The following CCSER1 variants were observed in gnomAD, a reference collection of about 807,000 sequenced individuals.
CCSER1 encodes coiled-coil serine rich protein 1, also known as serine-rich coiled-coil domain-containing protein 1.
In CCSER1, 41 loss-of-function variants were observed where a neutral mutation model predicts 82.0. The observed-to-expected ratio is 0.50, with a 90% CI of 0.39 to 0.65. The LOEUF (loss-of-function observed/expected upper bound fraction) is 0.65. Ranked by LOEUF, CCSER1 falls within the 30% of genes least tolerant of loss-of-function variation. CCSER1 has a pLI of 0.00. For missense variants in CCSER1, 1,119 were observed against 1,064.2 expected (o/e 1.05, Z -0.72); for synonymous variants, 414 against 383.9 (o/e 1.08, Z -0.92).
At chr4:91,327,671 A>G (rs1041675765) in intron 10 of CCSER1, among the ~76,000 whole-genome samples, 1 of 152,164 alleles carries the variant, frequency 6.6e-6, no homozygotes, top group African/African-American at 2.4e-5. Context: ...TTTCTATCAC[A>G]TGGCCAGGCT....
At chr4:91,130,100 A>T (rs111476236) in intron 10 of CCSER1, 4 of 151,962 alleles carry the variant, frequency 2.6e-5, no homozygotes, top group Non-Finnish European at 5.9e-5. Context: ...TCTAATATAA[A>T]GGGAATGTCT....
chr4:90,932,083 A>G (rs922441341), intron 9 of CCSER1, among the ~76,000 whole-genome samples: 2 of 152,214 alleles, frequency 1.3e-5, no homozygotes, highest in Admixed American at 6.5e-5. Flanking sequence ...AGCCACATGT[A>G]TCATTAACCT....
intron 5 of CCSER1, among the ~76,000 whole-genome samples, chr4:90,561,141 G>A (rs192382054): frequency 6.4e-4 from 98 of 152,246 alleles, no homozygotes; most frequent in African/African-American, 1.8e-3. Context: ...AATCTGTTAT[G>A]CCTCACCTTC....
chr4:91,363,998 A>G (rs1749439610), intron 10 of CCSER1, among the ~76,000 whole-genome samples: 1 of 148,174 alleles, frequency 6.7e-6, no homozygotes, highest in Non-Finnish European at 1.5e-5. Context: ...ATTTTGGTAA[A>G]GTATTGACAT....
At chr4:91,144,619 G>C (rs899942232) in intron 10 of CCSER1, among the ~76,000 whole-genome samples, 1 of 148,608 alleles carries the variant, frequency 6.7e-6, no homozygotes, top group South Asian at 2.1e-4. Flanking sequence ...TCCTCTTAAA[G>C]CTTTTTTTTA....
intron 1 of CCSER1, among the ~76,000 whole-genome samples, chr4:90,271,277 G>A (rs1211722698): frequency 2.0e-5 from 3 of 152,030 alleles, no homozygotes; most frequent in Non-Finnish European, 2.9e-5. Flanking sequence ...CATGGCACTG[G>A]TGCAAAAATC....
At chr4:91,544,117 G>A (rs531400292) in intron 10 of CCSER1, among the ~76,000 whole-genome samples, 19 of 152,058 alleles carry the variant, frequency 1.2e-4, no homozygotes, top group South Asian at 4.2e-4. Flanking sequence ...TTGTGCATGC[G>A]TCATGTAGTT....
intron 6 of CCSER1, among the ~76,000 whole-genome samples, chr4:90,684,445 T>C (rs1361376647): frequency 2.0e-5 from 3 of 152,174 alleles, no homozygotes; most frequent in African/African-American, 7.2e-5. Context: ...TTAAGCCTTG[T>C]GTTTAAGTTT....
chr4:90,961,593 G>C (rs58981735), intron 9 of CCSER1, among the ~76,000 whole-genome samples: 42,228 of 152,000 alleles, frequency 0.28, 7,255 homozygotes, highest in East Asian at 0.4. Flanking sequence ...GACACCTTAA[G>C]AATGGATTAG....
chr4:90,675,472 T>G (rs1401622614), intron 6 of CCSER1, among the ~76,000 whole-genome samples: 1 of 151,908 alleles, frequency 6.6e-6, no homozygotes, highest in African/African-American at 2.4e-5. Context: ...ATCAAATTGG[T>G]ATTTTTTGTA....
intron 10 of CCSER1, among the ~76,000 whole-genome samples, chr4:91,596,310 C>T (rs1372726086): frequency 4.6e-5 from 7 of 151,972 alleles, no homozygotes; most frequent in Non-Finnish European, 1.0e-4. Context: ...AAGTCTACTC[C>T]TACCATTTCT....
chr4:90,921,390 T>G (rs546146447), intron 8 of CCSER1, among the ~76,000 whole-genome samples: 3 of 152,156 alleles, frequency 2.0e-5, no homozygotes, highest in African/African-American at 7.2e-5. Context: ...AATACCATAA[T>G]AAATAATTCA....
chr4:91,376,596 A>C (rs1750430165), intron 10 of CCSER1, among the ~76,000 whole-genome samples: 3 of 152,202 alleles, frequency 2.0e-5, no homozygotes, highest in Non-Finnish European at 4.4e-5. Context: ...AGAATTATGC[A>C]AATTAAGCAA....
intron 10 of CCSER1, among the ~76,000 whole-genome samples, chr4:91,537,584 C>A (rs752007647): frequency 6.6e-6 from 1 of 151,668 alleles, no homozygotes; most frequent in Non-Finnish European, 1.5e-5. Flanking sequence ...TGTATTGGTT[C>A]GAGAAGTCAT....
intron 9 of CCSER1, among the ~76,000 whole-genome samples, chr4:91,084,195 G>A (rs28668272): frequency 6.6e-6 from 1 of 151,910 alleles, no homozygotes; most frequent in African/African-American, 2.4e-5. Context: ...GCCTCCCAAA[G>A]TGTAGAGATT....
rs1196493659 is a variant in CCSER1, at chr4:91,602,038, A to G, written c.*2981A>G. 1 of 152,076 alleles carries G rather than the reference A, an allele frequency of 6.6e-6. No individual in the cohort carries two copies. Among genetic ancestry groups the G allele is most frequent in the Non-Finnish European group, 1.5e-5 (1 of 67,956 alleles). 9.4% of individuals were successfully genotyped at this position (152,076 alleles called of 1,614,324 possible). A position where few individuals can be genotyped will look rare whatever the true frequency, so the allele number is the denominator to read the frequency against. On this transcript the variant is annotated 3_prime_UTR_variant, in exon 11 of 11. Coordinates refer to ENST00000509176, the MANE Select transcript of CCSER1 (RefSeq NM_001145065.2). ...CACCATAGTCTTTGTTCAAATCACA[A>G]CATGAAACTGTTGCTGCAATGCTAA...
At chr4:90,202,411 C>T (rs1416897089) in intron 1 of CCSER1, among the ~76,000 whole-genome samples, 1 of 152,064 alleles carries the variant, frequency 6.6e-6, no homozygotes. Context: ...CCGTGTTGTC[C>T]AGGCTAGTCT....
At chr4:91,144,661 T>C (rs549829661) in intron 10 of CCSER1, among the ~76,000 whole-genome samples, 2 of 151,838 alleles carry the variant, frequency 1.3e-5, no homozygotes, top group Non-Finnish European at 2.9e-5. Context: ...ATATTGTGTC[T>C]TTGTTTTTTT....
intron 1 of CCSER1, among the ~76,000 whole-genome samples, chr4:90,213,770 G>A (rs190358661): frequency 6.6e-6 from 1 of 152,298 alleles, no homozygotes; most frequent in African/African-American, 2.4e-5. Context: ...GGTGAGGACT[G>A]AATTTAGCAG....
Sources: gnomAD v4.1 joint callset for allele counts (sites outside exome capture counted in the v4.1 genomes callset) on GRCh38, gnomAD v4.1.1 for gene constraint, MANE v1.5 for transcripts, NCBI Gene and HGNC (gene_info 2026-07-23, HGNC 2026-07-21) for gene names.